Variants in CELF2 observed in about 807,000 individuals in gnomAD.
CELF2 encodes CUGBP Elav-like family member 2.
Under a neutral mutation model 62.6 loss-of-function variants are expected in CELF2, and 8 were observed. The observed-to-expected ratio is 0.13, with a 90% CI of 0.07 to 0.23. The LOEUF (loss-of-function observed/expected upper bound fraction) is 0.23. Among genes scored for constraint, CELF2 ranks in the 10% least tolerant of loss-of-function variants. CELF2 has a pLI of 1.00. For missense variants in CELF2, 333 were observed against 671.0 expected, an observed-to-expected ratio of 0.50 and a Z score of 5.56; for synonymous variants, 258 against 250.0, an observed-to-expected ratio of 1.03 and a Z score of -0.30.
chr10:10,798,954 A>G, intron 1 of CELF2: 1 of 396,910 alleles, frequency 2.5e-6, no homozygotes, highest in Non-Finnish European at 4.4e-6. Context: ...CAGATCTGCT[A>G]GTGGGAAGAC....
intron 3 of CELF2, among the ~76,000 whole-genome samples, chr10:11,229,390 A>G (rs1383188581): frequency 1.4e-5 from 2 of 146,208 alleles, no homozygotes; most frequent in African/African-American, 5.6e-5. Flanking sequence ...CCAAAATGAT[A>G]TGTGCAGTAG....
rs934341567 is a variant in CELF2, at chr10:11,297,233, C to T, written c.976+8681C>T. Among the ~76,000 whole-genome samples, 8 of 152,210 alleles carry T rather than the reference C, an allele frequency of 5.3e-5. No homozygotes were observed. Among genetic ancestry groups the T allele is most frequent in the Non-Finnish European group, 4.4e-5 (3 of 68,042 alleles). The stretch of plus-strand genomic sequence containing the variant: ...GTGGCACATGGAGAGCTCAAGTGCA[C>T]ATGAACGGACATTCCGTGAAATGTG... On this transcript the variant is annotated intron_variant, in intron 9 of 12. Transcript: ENST00000633077. The surrounding 1 kb of genome is among the most constrained non-coding windows in gnomAD (Gnocchi z 4.4).
chr10:11,140,417 C>T (rs1243683278), intron 1 of CELF2, among the ~76,000 whole-genome samples: 1 of 151,874 alleles, frequency 6.6e-6, no homozygotes, highest in African/African-American at 2.4e-5. Flanking sequence ...CGTCTTTAGA[C>T]ATTTAAGTGC....
the CELF2 span, among the ~76,000 whole-genome samples, chr10:10,752,688 CA>C: frequency 6.9e-3 from 408 of 58,952 alleles, 3 homozygotes; most frequent in South Asian, 0.047. Context: ...GACTCCGTCT[CA>C]AAAAAAAAAA....
chr10:11,027,345 A>G (rs2059386368), intron 1 of CELF2, among the ~76,000 whole-genome samples: 1 of 152,150 alleles, frequency 6.6e-6, no homozygotes, highest in Non-Finnish European at 1.5e-5. Flanking sequence ...CGCCAGCATC[A>G]AATGGACGGT....
chr10:11,077,663 C>T lies in CELF2; in HGVS notation c.74+59500C>T, dbSNP rs545005353. ...AGAAAGCAATTAGGTTCAAAGTTAG[C>T]GTTTATCGTCGTGTGAAACATTTCA... On this transcript the variant is annotated intron_variant, in intron 1 of 12. Transcript: ENST00000633077. 1.8e-4 allele frequency among the ~76,000 whole-genome samples: 28 copies of T among 152,274 alleles called. No individual in the cohort carries two copies. In the East Asian group the frequency reaches 4.6e-3, roughly 25 times the overall value.
At chr10:10,759,128 T>C in the CELF2 span, among the ~76,000 whole-genome samples, 1 of 152,210 alleles carries the variant, frequency 6.6e-6, no homozygotes, top group East Asian at 1.9e-4. Context: ...GACCTAAGCA[T>C]AGCATGCAAA....
the CELF2 span, among the ~76,000 whole-genome samples, chr10:10,662,800 G>A: frequency 3.9e-4 from 59 of 152,276 alleles, 1 homozygote; most frequent in South Asian, 0.012. Flanking sequence ...GCTTTCTGAT[G>A]TGTTAATTGG....
At chr10:10,596,921 G>C in the CELF2 span, among the ~76,000 whole-genome samples, 7 of 152,220 alleles carry the variant, frequency 4.6e-5, no homozygotes, top group South Asian at 6.2e-4. Flanking sequence ...TCTTCTTCCT[G>C]ACATTTCTTC....
chr10:10,727,585 G>C, the CELF2 span, among the ~76,000 whole-genome samples: 1 of 151,818 alleles, frequency 6.6e-6, no homozygotes, highest in Admixed American at 6.6e-5. Context: ...GACCATCCTG[G>C]CTAACACAGT....
intron 1 of CELF2, among the ~76,000 whole-genome samples, chr10:11,059,304 G>C (rs542804253): frequency 5.7e-4 from 87 of 152,282 alleles, no homozygotes; most frequent in African/African-American, 2.0e-3. Flanking sequence ...GTCTGTTTTA[G>C]GGTGGAAAAC....
At chr10:10,834,474 G>A (rs1351487031) in intron 1 of CELF2, among the ~76,000 whole-genome samples, 1 of 152,166 alleles carries the variant, frequency 6.6e-6, no homozygotes, top group African/African-American at 2.4e-5. Context: ...AGAATGAGGG[G>A]TGAGCTGGGC....
chr10:11,326,291 C>T (rs915335481), intron 12 of CELF2, among the ~76,000 whole-genome samples: 3 of 152,372 alleles, frequency 2.0e-5, no homozygotes, highest in Admixed American at 2.0e-4. Flanking sequence ...TTGTGGGCAA[C>T]ACCATATTGG....
At chr10:10,506,717 T>C in the CELF2 span, among the ~76,000 whole-genome samples, 4 of 139,608 alleles carry the variant, frequency 2.9e-5, no homozygotes, top group Non-Finnish European at 4.6e-5. Context: ...GTCTCTGTTG[T>C]CCAGGCTGGA....
chr10:11,144,900 GAAAAAAA>G (rs397846995), intron 1 of CELF2, among the ~76,000 whole-genome samples: 14 of 74,100 alleles, frequency 1.9e-4, no homozygotes, highest in Admixed American at 8.5e-4. Context: ...TCAGGAAACA[GAAAAAAA>G]AAAAAAAAAA....
intron 1 of CELF2, among the ~76,000 whole-genome samples, chr10:11,052,809 G>A (rs1419830672): frequency 6.6e-6 from 1 of 152,168 alleles, no homozygotes; most frequent in African/African-American, 2.4e-5. Context: ...CCATATCCTG[G>A]GAAGAGGAAG....
chr10:10,951,382 C>T (rs1021536660), intron 2 of CELF2, among the ~76,000 whole-genome samples: 9 of 152,190 alleles, frequency 5.9e-5, no homozygotes, highest in African/African-American at 2.2e-4. Context: ...AGTGATCCAC[C>T]TGCTTTGGCC....
At position 10,991,028 on chromosome 10, in the gene CELF2, T is replaced by C. The variant is rs538995183; in HGVS notation, c.89+71029T>C. On this transcript the variant is annotated intron_variant, in intron 2 of 13. Coordinates refer to the CELF2 transcript ENST00000636488. Reference sequence around the variant, plus strand: ...GTTGTTTTGTTTGTGTGAGTTTTTTTCCCCCCATAAAGTATTCCTTTTGAA... The same window carrying C: ...GTTGTTTTGTTTGTGTGAGTTTTTTCCCCCCCATAAAGTATTCCTTTTGAA... Among the ~76,000 whole-genome samples the C allele has an allele frequency of 1.8e-3, 276 of 152,018 alleles. 1 individual carries two copies. Among genetic ancestry groups the C allele is most frequent in the Non-Finnish European group, 3.6e-3 (242 of 67,936 alleles).
Position 11,012,409 on chromosome 10 carries a change from G to A in CELF2, c.53+6969G>A, listed in dbSNP as rs796248203. ...TCAAGATGTATTTGTTCAGAAAAAG[G>A]ACAGACATTCAGGCACATGGGCTGT... is the stretch of plus-strand genomic sequence containing the variant. On this transcript the variant is annotated intron_variant, in intron 1 of 12. Coordinates refer to the CELF2 transcript ENST00000416382. The surrounding 1 kb of genome is among the most constrained non-coding windows in gnomAD (Gnocchi z 5.5). Among the ~76,000 whole-genome samples the A allele has an allele frequency of 1.1e-4, 16 of 152,238 alleles. No individual in the cohort carries two copies. The highest frequency in any genetic ancestry group is 3.9e-4 in the African/African-American group (16 of 41,532).
Sources: allele counts gnomAD v4.1 joint callset (sites outside exome capture counted in the v4.1 genomes callset), GRCh38; gene constraint gnomAD v4.1.1; non-coding constraint Gnocchi (gnomAD v3.1); transcripts MANE v1.5; gene names NCBI Gene and HGNC (gene_info 2026-07-23, HGNC 2026-07-21).